The following PRKG1 variants were observed in gnomAD, a reference collection of about 807,000 sequenced individuals.
PRKG1 encodes the protein protein kinase cGMP-dependent 1.
PRKG1 carries 35 observed loss-of-function variants against 88.1 expected under a neutral mutation model. The ratio of observed to expected loss-of-function variants is 0.40; its 90% CI spans 0.30 to 0.53. PRKG1 has a LOEUF of 0.53. PRKG1 is among the 20% of genes least tolerant of loss of function. PRKG1 has a pLI of 0.59. For missense variants in PRKG1, 540 were observed against 839.8 expected (o/e 0.64, Z 4.41); for synonymous variants, 303 against 292.5 (o/e 1.04, Z -0.37).
intron 3 of PRKG1, among the ~76,000 whole-genome samples, chr10:51,507,599 C>T (rs1319398309): frequency 6.6e-6 from 1 of 152,112 alleles, no homozygotes; most frequent in African/African-American, 2.4e-5. Flanking sequence ...CCCTAGGACA[C>T]TGATTAAACT....
intron 2 of PRKG1, among the ~76,000 whole-genome samples, chr10:51,451,235 A>G (rs376184420): frequency 3.1e-4 from 47 of 151,940 alleles, no homozygotes; most frequent in African/African-American, 1.1e-3. Flanking sequence ...TGATGAGACT[A>G]AGCAATGTTT....
At chr10:51,142,384 A>G (rs1321635028) in intron 1 of PRKG1, among the ~76,000 whole-genome samples, 1 of 152,076 alleles carries the variant, frequency 6.6e-6, no homozygotes, top group South Asian at 2.1e-4. Context: ...GCTGATAACT[A>G]TTGCAGTGGA....
chr10:51,853,408 A>T (rs1216921069), intron 4 of PRKG1, among the ~76,000 whole-genome samples: 2 of 152,182 alleles, frequency 1.3e-5, no homozygotes, highest in African/African-American at 4.8e-5. Context: ...CTGCAGGAAT[A>T]TGTTTGCATA....
At chr10:52,028,349 T>C (rs1845396324) in intron 5 of PRKG1, among the ~76,000 whole-genome samples, 1 of 152,200 alleles carries the variant, frequency 6.6e-6, no homozygotes, top group Non-Finnish European at 1.5e-5. Flanking sequence ...TGAGTGCCTT[T>C]AACTTCCAAC....
chr10:51,030,866 G>A (rs565127092), intron 1 of PRKG1, among the ~76,000 whole-genome samples: 2 of 152,270 alleles, frequency 1.3e-5, no homozygotes, highest in African/African-American at 4.8e-5. Flanking sequence ...AGCCTGCAGA[G>A]CCATCAGCCA....
chr10:51,882,353 T>C (rs1841458973), intron 4 of PRKG1, among the ~76,000 whole-genome samples: 1 of 152,184 alleles, frequency 6.6e-6, no homozygotes, highest in Non-Finnish European at 1.5e-5. Context: ...CTCATGTGAC[T>C]TCATAAATAA....
intron 7 of PRKG1, among the ~76,000 whole-genome samples, chr10:52,113,490 A>G (rs1185198398): frequency 1.3e-5 from 2 of 152,122 alleles, no homozygotes; most frequent in Non-Finnish European, 2.9e-5. Flanking sequence ...ATTTTGAATT[A>G]GGAAGGCAGA....
intron 4 of PRKG1, among the ~76,000 whole-genome samples, chr10:51,808,990 T>G (rs1218120740): frequency 1.3e-5 from 2 of 152,188 alleles, no homozygotes; most frequent in Non-Finnish European, 2.9e-5. Context: ...CCACTGTTTC[T>G]TCTCATTTTT....
intron 3 of PRKG1, among the ~76,000 whole-genome samples, chr10:51,573,041 C>T (rs535738994): frequency 6.6e-6 from 1 of 151,968 alleles, no homozygotes; most frequent in Non-Finnish European, 1.5e-5. Context: ...CATTTCCCTA[C>T]TCCACAGAAA....
At chr10:52,174,372 T>A (rs1052422611) in intron 9 of PRKG1, among the ~76,000 whole-genome samples, 2 of 151,936 alleles carry the variant, frequency 1.3e-5, no homozygotes, top group Admixed American at 1.3e-4. Context: ...GTATATCAGC[T>A]TCTTTCTTCA....
At chr10:51,387,643 G>T (rs1837288318) in intron 2 of PRKG1, among the ~76,000 whole-genome samples, 1 of 152,064 alleles carries the variant, frequency 6.6e-6, no homozygotes. Context: ...TATTCGAAAG[G>T]CCAGCTTTTA....
At chr10:51,730,401 G>A (rs1343826226) in intron 3 of PRKG1, among the ~76,000 whole-genome samples, 2 of 152,226 alleles carry the variant, frequency 1.3e-5, no homozygotes, top group Non-Finnish European at 2.9e-5. Flanking sequence ...TGACTGAGAA[G>A]AAAGGGACTA....
chr10:52,047,626 C>T lies in PRKG1; in HGVS notation c.763-6858C>T, dbSNP rs1339408693. Among the ~76,000 whole-genome samples the T allele has an allele frequency of 2.0e-5, 3 of 152,020 alleles. No homozygotes were observed. In the East Asian group the frequency reaches 5.8e-4, roughly 29 times the overall value. On this transcript the variant is annotated intron_variant, in intron 5 of 17. Coordinates refer to ENST00000373980, the MANE Select transcript of PRKG1 (RefSeq NM_006258.4). ...CTAATGGACAGAGCTTTAACAAACA[C>T]AAAAGTCCACAGTCAAGAAATGTCT...
chr10:51,265,515 ATTTAT>A (rs1554852812), intron 2 of PRKG1, among the ~76,000 whole-genome samples: 1 of 152,114 alleles, frequency 6.6e-6, no homozygotes. Context: ...CAGTAGTTAC[ATTTAT>A]TTTATTTTAT....
intron 3 of PRKG1, among the ~76,000 whole-genome samples, chr10:51,779,202 A>G (rs1838520737): frequency 6.6e-6 from 1 of 152,146 alleles, no homozygotes; most frequent in African/African-American, 2.4e-5. Flanking sequence ...CCTGTTAGGT[A>G]CTTGGTTACA....
intron 2 of PRKG1, chr10:51,302,728 A>G (rs1044517970): frequency 1.3e-5 from 2 of 152,154 alleles, no homozygotes; most frequent in Non-Finnish European, 2.9e-5. Context: ...ATTACCTAAC[A>G]AACACCTATC....
chr10:51,646,539 TTACGTATATAAGC>T (rs1427997716), intron 3 of PRKG1, among the ~76,000 whole-genome samples: 1 of 152,108 alleles, frequency 6.6e-6, no homozygotes, highest in Non-Finnish European at 1.5e-5. Context: ...TGATATATAT[TTACGTATATAAGC>T]TTATATACTT....
chr10:52,237,936 TA>T (rs1840733894), intron 9 of PRKG1, among the ~76,000 whole-genome samples: 1 of 137,490 alleles, frequency 7.3e-6, no homozygotes, highest in Admixed American at 7.6e-5. Flanking sequence ...AAGGCTACAG[TA>T]ACCAAAACAG....
At chr10:51,684,596 G>A (rs759339903) in intron 3 of PRKG1, among the ~76,000 whole-genome samples, 59 of 152,130 alleles carry the variant, frequency 3.9e-4, no homozygotes, top group African/African-American at 1.3e-3. Flanking sequence ...TTGGCCAGGC[G>A]CAGTGGCTCA....
Sources: gnomAD v4.1 joint callset for allele counts (sites outside exome capture counted in the v4.1 genomes callset) on GRCh38, gnomAD v4.1.1 for gene constraint, MANE v1.5 for transcripts, NCBI Gene and HGNC (gene_info 2026-07-23, HGNC 2026-07-21) for gene names.